The following EML4 variants were observed in gnomAD, a reference collection of about 807,000 sequenced individuals.
EML4 encodes echinoderm microtubule-associated protein-like 4.
A neutral mutation model predicts 129.0 loss-of-function variants in EML4; 72 were observed. The ratio of observed to expected loss-of-function variants is 0.56; its 90% CI spans 0.46 to 0.68. The LOEUF (loss-of-function observed/expected upper bound fraction) is 0.68, where lower values mean the gene tolerates loss of function less well. Among genes scored for constraint, EML4 ranks in the 30% least tolerant of loss-of-function variants. The pLI is 0.00. For synonymous variants in EML4, 532 were observed against 405.0 expected (o/e 1.31, Z -3.77); for missense variants, 1,363 against 1,190.6 (o/e 1.14, Z -2.13).
intron 5 of EML4, 41 bp from the exon 6 acceptor site, chr2:42,264,665 A>C: frequency 1.7e-6 from 2 of 1,177,636 alleles, no homozygotes; most frequent in Non-Finnish European, 2.5e-6. Context: ...TTAGCCATAT[A>C]AACTTATAAA....
At chr2:42,270,773 G>A (rs11691536) in intron 6 of EML4, among the ~76,000 whole-genome samples, 34,568 of 152,142 alleles carry the variant, frequency 0.23, 4,776 homozygotes, top group East Asian at 0.56. Flanking sequence ...TTTTACCAAG[G>A]TGGTATCCCA....
At chr2:42,191,785 C>T (rs140229771) in intron 1 of EML4, among the ~76,000 whole-genome samples, 1,820 of 152,234 alleles carry the variant, frequency 0.012, 19 homozygotes, top group Middle Eastern at 0.058. Flanking sequence ...TTTTGCCGGG[C>T]GTGGTGGCTC....
At chr2:42,279,584 A>T (rs1296150852) in intron 6 of EML4, among the ~76,000 whole-genome samples, 1 of 151,820 alleles carries the variant, frequency 6.6e-6, no homozygotes, top group Non-Finnish European at 1.5e-5. Context: ...CAGCCTCCCA[A>T]GTAGCTGGGA....
chr2:42,233,301 GT>G (rs1171686892), intron 1 of EML4, among the ~76,000 whole-genome samples: 1 of 150,558 alleles, frequency 6.6e-6, no homozygotes, highest in Non-Finnish European at 1.5e-5. Context: ...GTTATTACAG[GT>G]TTCTTTCTTT....
chr2:42,196,592 C>T (rs1426630701), intron 1 of EML4, among the ~76,000 whole-genome samples: 4 of 152,192 alleles, frequency 2.6e-5, no homozygotes, highest in African/African-American at 9.7e-5. Flanking sequence ...AATCTGGCAG[C>T]TGGCGAGAAG....
At chr2:42,203,507 A>G (rs888345486) in intron 1 of EML4, among the ~76,000 whole-genome samples, 4 of 152,200 alleles carry the variant, frequency 2.6e-5, no homozygotes, top group African/African-American at 7.2e-5. Flanking sequence ...TGAACTTTAT[A>G]TAGATTTTAT....
intron 1 of EML4, among the ~76,000 whole-genome samples, chr2:42,191,395 C>G (rs913690448): frequency 6.6e-6 from 1 of 152,086 alleles, no homozygotes; most frequent in African/African-American, 2.4e-5. Context: ...GTTTCCCTCC[C>G]TCAACACTAG....
intron 1 of EML4, among the ~76,000 whole-genome samples, chr2:42,205,210 C>G (rs1287596936): frequency 6.6e-6 from 1 of 152,092 alleles, no homozygotes; most frequent in Non-Finnish European, 1.5e-5. Context: ...ATAAACTTGA[C>G]CTTGTAGAAT....
chr2:42,250,100 A>G (rs1048959218), intron 2 of EML4, among the ~76,000 whole-genome samples: 4 of 152,194 alleles, frequency 2.6e-5, no homozygotes, highest in Non-Finnish European at 4.4e-5. Flanking sequence ...CATTATGTGA[A>G]GACAAACTGT....
chr2:42,191,303 A>G lies in EML4; in HGVS notation c.25+21667A>G, dbSNP rs1322771430. On this transcript the variant is annotated intron_variant, in intron 1 of 22. Coordinates refer to ENST00000318522, the MANE Select transcript of EML4 (RefSeq NM_019063.5). ...CTCTGTCTCTTCCATTTCTCTCTATATGTTGGCTTTATTCTCTGAAATGAT... is the reference window on the plus strand; with the variant it reads ...CTCTGTCTCTTCCATTTCTCTCTATGTGTTGGCTTTATTCTCTGAAATGAT... Among the ~76,000 whole-genome samples, 7 of 152,172 alleles carry G rather than the reference A, an allele frequency of 4.6e-5. No homozygotes were observed. In the East Asian group the frequency reaches 7.7e-4, roughly 17 times the overall value.
intron 1 of EML4, among the ~76,000 whole-genome samples, chr2:42,241,787 G>A (rs1675051033): frequency 6.6e-6 from 1 of 151,256 alleles, no homozygotes; most frequent in Non-Finnish European, 1.5e-5. Flanking sequence ...GAGATACCTA[G>A]ATTAGTTTGG....
At chr2:42,172,524 A>C (rs1341384359) in intron 1 of EML4, among the ~76,000 whole-genome samples, 1 of 152,192 alleles carries the variant, frequency 6.6e-6, no homozygotes, top group African/African-American at 2.4e-5. Flanking sequence ...GAATTCTTTT[A>C]ATCTCCGCAG....
intron 1 of EML4, among the ~76,000 whole-genome samples, chr2:42,192,915 T>C (rs559834165): frequency 2.0e-5 from 3 of 152,246 alleles, no homozygotes; most frequent in East Asian, 1.9e-4. Flanking sequence ...GGAGGAGTGA[T>C]TGGTGAAACT....
In EML4 at chr2:42,303,460, G is replaced by A; in HGVS notation, c.1899+14G>A. 6.2e-7 allele frequency: 1 copy of A among 1,610,792 alleles called. No homozygotes were observed. On this transcript the variant is annotated intron_variant, in intron 16 of 22. Transcript: ENST00000318522. The stretch of plus-strand genomic sequence containing the variant: ...AGGCTGGTAGATGTGAGTGAAGCAG[G>A]ATGTGATTATTAACCTCCCCACAGA...
Position 42,256,629 on chromosome 2 carries a change from A to G in EML4, c.337A>G (p.Ser113Gly). 6.2e-7 allele frequency: 1 copy of G among 1,613,428 alleles called. No individual in the cohort carries two copies. The highest frequency in any genetic ancestry group is 8.5e-7 in the Non-Finnish European group (1 of 1,179,670). Residue 113 changes from serine (S) to glycine (G), a missense_variant and splice_region_variant, in exon 3 of 23, where the codon AGT (serine) becomes GGT (glycine). Transcript: ENST00000318522. Reference sequence around the variant, plus strand: ...AGAAACTCTTTCATCTGCTGCTAAAAGGTACCCATTTATGAAAGGGGGAAA... The same window carrying G: ...AGAAACTCTTTCATCTGCTGCTAAAGGGTACCCATTTATGAAAGGGGGAAA... ...GKETLSSAAK[S>G]GTEKKKEKPQ...
intron 1 of EML4, among the ~76,000 whole-genome samples, chr2:42,206,919 C>G (rs978323929): frequency 6.6e-6 from 1 of 152,116 alleles, no homozygotes; most frequent in African/African-American, 2.4e-5. Flanking sequence ...TAGCTAATTT[C>G]TACATCTGTA....
chr2:42,230,141 C>A (rs998322597), intron 1 of EML4, among the ~76,000 whole-genome samples: 10 of 152,042 alleles, frequency 6.6e-5, no homozygotes, highest in African/African-American at 2.4e-4. Context: ...TTTTTTCATT[C>A]CCTGTTTTAT....
intron 1 of EML4, among the ~76,000 whole-genome samples, chr2:42,195,047 T>C (rs1223924725): frequency 6.6e-6 from 1 of 152,208 alleles, no homozygotes; most frequent in African/African-American, 2.4e-5. Context: ...TATTTCAAAG[T>C]AGTTGCATGG....
intron 1 of EML4, among the ~76,000 whole-genome samples, chr2:42,209,894 A>G (rs528923880): frequency 2.0e-5 from 3 of 152,256 alleles, no homozygotes; most frequent in South Asian, 4.1e-4. Flanking sequence ...ATGCCATTGC[A>G]CTCCAGCCTG....
Sources: gnomAD v4.1 joint callset for allele counts (sites outside exome capture counted in the v4.1 genomes callset) on GRCh38, gnomAD v4.1.1 for gene constraint, MANE v1.5 for transcripts, NCBI Gene and HGNC (gene_info 2026-07-23, HGNC 2026-07-21) for gene names.